The following EMG1 variants were observed in gnomAD, a reference collection of about 807,000 sequenced individuals.
EMG1 encodes the protein ribosomal RNA small subunit methyltransferase NEP1.
In EMG1, 24 loss-of-function variants were observed where a neutral mutation model predicts 26.9. The observed-to-expected ratio is 0.89, with a 90% CI of 0.65 to 1.26. The LOEUF is 1.26. Among genes scored for constraint, EMG1 ranks in the 50% most tolerant of loss-of-function variants. The pLI is 0.00. For synonymous variants in EMG1, 140 were observed against 112.6 expected (o/e 1.24, Z -1.54); for missense variants, 299 against 307.6 (o/e 0.97, Z 0.21).
chr12:6,990,916 C>CAAAAAA (rs59031613), downstream of EMG1, among the ~76,000 whole-genome samples: 1 of 68,138 alleles, frequency 1.5e-5, no homozygotes, highest in African/African-American at 3.8e-5. Context: ...GACTCCAAAT[C>CAAAAAA]AAAAAAAAAA....
rs782039108 is a variant in EMG1 at position 6,975,072 on chromosome 12, C to CT, written c.413-12dup. 74 of 1,613,562 alleles carry CT rather than the reference C, an allele frequency of 4.6e-5. 1 individual carries two copies. The Admixed American group carries it at 5.7e-4, about 12-fold the overall frequency. On this transcript the variant is annotated splice_polypyrimidine_tract_variant and intron_variant, in intron 3 of 5. Transcript: ENST00000599672. ...TGTGGTCTCCATCTAGCTCTGAACTCTTTTTTCCCCCTTCTAGTTCAACTT... is the reference window on the plus strand; with the variant it reads ...TGTGGTCTCCATCTAGCTCTGAACTCTTTTTTTCCCCCTTCTAGTTCAACTT...
chr12:6,974,611 C>G lies in EMG1; in HGVS notation c.330C>G (p.Ile110Met), dbSNP rs1276535579. The G allele has an allele frequency of 6.2e-7, 1 of 1,613,832 alleles. No individual in the cohort carries two copies. Among genetic ancestry groups the G allele is most frequent in the Non-Finnish European group, 8.5e-7 (1 of 1,179,874 alleles). The change falls in exon 3 of 6, where the codon ATC (isoleucine) becomes ATG (methionine). Residue 110 changes from isoleucine to methionine, a missense_variant. By Grantham distance (10) the Ile-to-Met change is conservative. Coordinates refer to ENST00000599672, the MANE Select transcript of EMG1 (RefSeq NM_006331.8). Reference protein sequence around the residue: ...LNRAGLLQVYIHTQKNVLIEV... With the variant: ...LNRAGLLQVYMHTQKNVLIEV... ...GAGCTGGCTTGCTACAGGTTTATAT[C>G]CATACACAGAAGAATGTTCTGATTG...
intron 2 of EMG1, 42 bp downstream of exon 2, chr12:6,974,482 A>C (rs782820403): frequency 4.4e-6 from 7 of 1,607,646 alleles, no homozygotes; most frequent in Non-Finnish European, 5.1e-6. Flanking sequence ...GAGCCTCTGT[A>C]TGGAAGGGTT....
intron 1 of EMG1, 27 bp downstream of exon 1, chr12:6,971,118 T>C (rs1946319946): frequency 6.9e-6 from 11 of 1,593,308 alleles, no homozygotes; most frequent in Non-Finnish European, 9.4e-6. Context: ...AGTGGAGAAG[T>C]AGTAAATCGA....
Position 6,978,218 on chromosome 12 carries a change from C to T in EMG1, c.*2409C>T, listed in dbSNP as rs781822332. Reference sequence around the variant, plus strand: ...AGGTGGGGGTCAAAGTCAGTGTGAGCGACAGGGGGTTCTGCCCAGATGGGA... The same window carrying T: ...AGGTGGGGGTCAAAGTCAGTGTGAGTGACAGGGGGTTCTGCCCAGATGGGA... On this transcript the variant is annotated 3_prime_UTR_variant, in exon 6 of 6. Coordinates refer to ENST00000599672, the MANE Select transcript of EMG1 (RefSeq NM_006331.8). The T allele has an allele frequency of 4.3e-4, 506 of 1,173,446 alleles. 6 individuals are homozygous for T. In the South Asian group the frequency reaches 7.0e-3, roughly 16 times the overall value. 72.7% of individuals were successfully genotyped at this position (1,173,446 alleles called of 1,614,324 possible). A position where few individuals can be genotyped will look rare whatever the true frequency, so the allele number is the denominator to read the frequency against.
In EMG1 at chr12:6,979,033, C is replaced by T; in HGVS notation, c.*3224C>T. 1 of 303,650 alleles carries T rather than the reference C, an allele frequency of 3.3e-6. No homozygotes were observed. Among genetic ancestry groups the T allele is most frequent in the Non-Finnish European group, 6.1e-6 (1 of 163,386 alleles). 18.8% of individuals were successfully genotyped at this position (303,650 alleles called of 1,614,324 possible). ...TTTTAATTTAAGGAGAGAAACCTGCCCAGAATTACTGAACTGTTTTCAAGC... is the reference window on the plus strand; with the variant it reads ...TTTTAATTTAAGGAGAGAAACCTGCTCAGAATTACTGAACTGTTTTCAAGC... On this transcript the variant is annotated 3_prime_UTR_variant, in exon 6 of 6. Transcript: ENST00000599672.
At position 6,978,395 on chromosome 12, in the gene EMG1, C is replaced by T. The variant is rs1036731044; in HGVS notation, c.*2586C>T. ...GAATGAGGCAATGGTGCCAGTGAAG[C>T]GGGGGTTTGTTTCAAAGAGCCACAC... is the stretch of plus-strand genomic sequence containing the variant. On this transcript the variant is annotated 3_prime_UTR_variant, in exon 6 of 6. Transcript: ENST00000599672. The T allele has an allele frequency of 1.1e-5, 18 of 1,613,566 alleles. No individual in the cohort carries two copies. The highest frequency in any genetic ancestry group is 1.4e-5 in the Non-Finnish European group (16 of 1,179,920).
chr12:6,983,547 G>A, downstream of EMG1: 1 of 1,552,052 alleles, frequency 6.4e-7, no homozygotes, highest in Non-Finnish European at 8.9e-7. Flanking sequence ...AACCTAGATG[G>A]GGGAAAAGAT....
intron 6 of EMG1, among the ~76,000 whole-genome samples, chr12:6,985,178 A>C (rs1462376185): frequency 6.6e-5 from 10 of 150,462 alleles, no homozygotes; most frequent in Admixed American, 6.0e-4. Context: ...GATCATGAGG[A>C]CAGGAGATCG....
At chr12:6,994,611 T>G (rs782149291) in intron 7 of EMG1, among the ~76,000 whole-genome samples, 1 of 152,234 alleles carries the variant, frequency 6.6e-6, no homozygotes, top group East Asian at 1.9e-4. Context: ...GGACTACAGG[T>G]GTGCACAGGA....
chr12:6,972,801 A>G (rs1361008470), intron 1 of EMG1, among the ~76,000 whole-genome samples: 3 of 151,850 alleles, frequency 2.0e-5, no homozygotes, highest in Non-Finnish European at 4.4e-5. Flanking sequence ...TCAGCTCCCA[A>G]TTTTCCTCAA....
At chr12:6,985,569 G>C (rs1946515485) in intron 6 of EMG1, among the ~76,000 whole-genome samples, 1 of 151,142 alleles carries the variant, frequency 6.6e-6, no homozygotes, top group African/African-American at 2.4e-5. Context: ...TAAAAAATTA[G>C]CTGGGTGTGG....
downstream of EMG1, among the ~76,000 whole-genome samples, chr12:6,989,378 C>T (rs1321350740): frequency 6.7e-6 from 1 of 148,466 alleles, no homozygotes; most frequent in African/African-American, 2.5e-5. Context: ...GGTGCAATCT[C>T]GGCTCACTGC....
rs1555153375 is a variant in EMG1 at position 6,977,299 on chromosome 12, G to C, written c.*1490G>C. ...GAGGCCACTAAGGTAGACAGGCCTG[G>C]AGTGTCCTTTGCAACCTTTGAGGTT... On this transcript the variant is annotated 3_prime_UTR_variant, in exon 6 of 6. Coordinates refer to ENST00000599672, the MANE Select transcript of EMG1 (RefSeq NM_006331.8). This position sits in a 1 kb window ranked among gnomAD's most constrained non-coding sequence, Gnocchi z 4.5. 3 of 1,611,392 alleles carry C rather than the reference G, an allele frequency of 1.9e-6. No individual in the cohort carries two copies. Among genetic ancestry groups the C allele is most frequent in the Admixed American group, 3.3e-5 (2 of 59,998 alleles).
In EMG1 at chr12:6,974,706, A is replaced by C; in HGVS notation, c.412+13A>C. 6.2e-7 allele frequency: 1 copy of C among 1,613,874 alleles called. No individual in the cohort carries two copies. Among genetic ancestry groups the C allele is most frequent in the Non-Finnish European group, 8.5e-7 (1 of 1,179,836 alleles). ...TGTGGCCTCATGGGTAAGAAGCCTT[A>C]GAACAAAGTTAGAATGAACTTGTCA... On this transcript the variant is annotated intron_variant, in intron 3 of 5. Transcript: ENST00000599672.
chr12:6,982,509 G>C (rs1386162697), downstream of EMG1, among the ~76,000 whole-genome samples: 2 of 152,190 alleles, frequency 1.3e-5, no homozygotes, highest in East Asian at 3.8e-4. Context: ...TCTGTGGATG[G>C]AACACTTGGG....
rs1555153731 is a variant in EMG1 at position 6,979,146 on chromosome 12, GA to G, written c.*3338del. The G allele has an allele frequency of 8.2e-6, 3 of 364,368 alleles. No individual in the cohort carries two copies. Among genetic ancestry groups the G allele is most frequent in the African/African-American group, 6.2e-5 (3 of 48,078 alleles). The allele number at this position is 364,368 out of a possible 1,614,324, so 22.6% of individuals were successfully genotyped here. The stretch of plus-strand genomic sequence containing the variant: ...AGAAGTGCCCAAATGTATCAGTCAA[GA>G]GAAGAAAATAGGATGGAGAATCAGA... On this transcript the variant is annotated 3_prime_UTR_variant, in exon 6 of 6. Coordinates refer to ENST00000599672, the MANE Select transcript of EMG1 (RefSeq NM_006331.8).
At chr12:6,991,647 A>C (rs1210823406), downstream of EMG1, among the ~76,000 whole-genome samples, 3 of 152,194 alleles carry the variant, frequency 2.0e-5, no homozygotes, top group African/African-American at 7.2e-5. Flanking sequence ...AAATATTGTC[A>C]TTTGTTTACC....
At chr12:6,982,619 C>T, downstream of EMG1, 2 of 1,322,268 alleles carry the variant, frequency 1.5e-6, no homozygotes, top group South Asian at 1.2e-5. Context: ...CCTGCCTACC[C>T]CTGTCCCCTG....
Sources: gnomAD v4.1 joint callset for allele counts (sites outside exome capture counted in the v4.1 genomes callset) on GRCh38, gnomAD v4.1.1 for gene constraint, Gnocchi (gnomAD v3.1) non-coding constraint, MANE v1.5 for transcripts, NCBI Gene and HGNC (gene_info 2026-07-23, HGNC 2026-07-21) for gene names.